SPATA17: variants seen among roughly 807,000 people sequenced by gnomAD.
The protein encoded by SPATA17 is spermatogenesis associated 17, also known as spermatogenesis-associated protein 17.
Under a neutral mutation model 62.2 loss-of-function variants are expected in SPATA17, and 53 were observed. That is an observed-to-expected ratio of 0.85 (90% CI 0.68 to 1.07). SPATA17 has a LOEUF of 1.07. Ranked by LOEUF, SPATA17 falls within the 50% of genes least tolerant of loss-of-function variation. The probability of loss-of-function intolerance (pLI) is 0.00; values close to 1 mark genes in which losing one functional copy is unlikely to be tolerated. For missense variants in SPATA17, 466 were observed against 425.5 expected, an observed-to-expected ratio of 1.10 and a Z score of -0.84; for synonymous variants, 146 against 146.8, an observed-to-expected ratio of 0.99 and a Z score of 0.04.
chr1:217,778,014 C>T (rs1422472009), intron 7 of SPATA17, among the ~76,000 whole-genome samples: 1 of 151,878 alleles, frequency 6.6e-6, no homozygotes, highest in East Asian at 1.9e-4. Context: ...TACTATTTTT[C>T]TATTAGTGTA....
chr1:217,766,204 A>G (rs965125182), intron 6 of SPATA17, among the ~76,000 whole-genome samples: 1 of 152,080 alleles, frequency 6.6e-6, no homozygotes, highest in African/African-American at 2.4e-5. Flanking sequence ...ATTAATATCT[A>G]CCATATTTGA....
At chr1:217,758,479 A>T (rs1673098653) in intron 6 of SPATA17, among the ~76,000 whole-genome samples, 1 of 152,166 alleles carries the variant, frequency 6.6e-6, no homozygotes, top group African/African-American at 2.4e-5. Flanking sequence ...TATGGAGGGG[A>T]AAACAGATAC....
intron 9 of SPATA17, among the ~76,000 whole-genome samples, chr1:217,809,118 A>G (rs529937508): frequency 3.3e-5 from 5 of 152,300 alleles, no homozygotes; most frequent in African/African-American, 1.2e-4. Context: ...AAGAAACATT[A>G]TTTTTTAAGG....
intron 8 of SPATA17, among the ~76,000 whole-genome samples, chr1:217,790,973 T>C (rs1033357871): frequency 1.3e-5 from 2 of 152,234 alleles, no homozygotes; most frequent in Non-Finnish European, 2.9e-5. Context: ...TCAGACACTT[T>C]AGACCTTTAA....
At chr1:217,808,730 C>T (rs917938266) in intron 9 of SPATA17, among the ~76,000 whole-genome samples, 1 of 151,980 alleles carries the variant, frequency 6.6e-6, no homozygotes, top group East Asian at 1.9e-4. Flanking sequence ...TGGTGCACAC[C>T]TGTAGCCCCA....
intron 6 of SPATA17, among the ~76,000 whole-genome samples, chr1:217,769,034 C>T (rs769090837): frequency 2.0e-5 from 3 of 151,900 alleles, no homozygotes; most frequent in Non-Finnish European, 4.4e-5. Flanking sequence ...CAAAGTGGAC[C>T]CTTTCTCAGT....
chr1:217,770,444 A>AT (rs1673410796), intron 6 of SPATA17, among the ~76,000 whole-genome samples: 1 of 152,204 alleles, frequency 6.6e-6, no homozygotes, highest in Non-Finnish European at 1.5e-5. Flanking sequence ...GTTATGGTAA[A>AT]ATATGAAATT....
chr1:217,671,090 T>G (rs1487674632), intron 4 of SPATA17, among the ~76,000 whole-genome samples: 2 of 152,036 alleles, frequency 1.3e-5, no homozygotes, highest in African/African-American at 4.8e-5. Flanking sequence ...TATATGGGGA[T>G]GCCCCACTTT....
chr1:217,822,801 T>C (rs1674899902), intron 9 of SPATA17, among the ~76,000 whole-genome samples: 1 of 151,272 alleles, frequency 6.6e-6, no homozygotes, highest in African/African-American at 2.4e-5. Flanking sequence ...TTTATATATG[T>C]ATATGAAAGT....
At chr1:217,777,174 T>C (rs1197313089) in intron 7 of SPATA17, among the ~76,000 whole-genome samples, 1 of 152,164 alleles carries the variant, frequency 6.6e-6, no homozygotes, top group East Asian at 1.9e-4. Context: ...ATTTGTGATA[T>C]ATGTTGTGTT....
At position 217,782,334 on chromosome 1, in the gene SPATA17, G is replaced by A; in HGVS notation, c.872+12G>A. 1 of 1,578,854 alleles carries A rather than the reference G, an allele frequency of 6.3e-7. No individual in the cohort carries two copies. The highest frequency in any genetic ancestry group is 8.6e-7 in the Non-Finnish European group (1 of 1,165,350). ...GTAAATGACAATATGTGAGTTCTTA[G>A]CTTAACAAAAATAGCTGTGACATAT... On this transcript the variant is annotated intron_variant, in intron 8 of 10. Coordinates refer to ENST00000366933, the MANE Select transcript of SPATA17 (RefSeq NM_138796.4).
intron 8 of SPATA17, among the ~76,000 whole-genome samples, chr1:217,791,223 C>G (rs1373961351): frequency 6.6e-6 from 1 of 152,188 alleles, no homozygotes; most frequent in Admixed American, 6.5e-5. Flanking sequence ...CTGTGCAAAT[C>G]GTATTATACA....
intron 9 of SPATA17, among the ~76,000 whole-genome samples, chr1:217,808,167 C>T (rs1434734019): frequency 6.6e-6 from 1 of 152,134 alleles, no homozygotes; most frequent in African/African-American, 2.4e-5. Context: ...ACAAAGTCTC[C>T]TCCAGGATCT....
chr1:217,845,634 A>G (rs975106903), intron 9 of SPATA17, among the ~76,000 whole-genome samples: 1 of 152,020 alleles, frequency 6.6e-6, no homozygotes, highest in Admixed American at 6.6e-5. Flanking sequence ...TCTTGAAGAG[A>G]TTAAAATTTC....
At chr1:217,773,557 C>G (rs1673508496) in intron 6 of SPATA17, among the ~76,000 whole-genome samples, 1 of 152,058 alleles carries the variant, frequency 6.6e-6, no homozygotes, top group African/African-American at 2.4e-5. Context: ...CAAAAATAGA[C>G]ACGCTAAATT....
chr1:217,648,793 G>A (rs12140261), intron 1 of SPATA17, 89 bp from the exon 2 acceptor site: 100,002 of 660,162 alleles, frequency 0.15, 8,197 homozygotes, highest in Non-Finnish European at 0.17. Flanking sequence ...TATCATCTTG[G>A]AAGAAATTAA....
chr1:217,849,102 T>G (rs1442764108), intron 9 of SPATA17, among the ~76,000 whole-genome samples: 1 of 152,228 alleles, frequency 6.6e-6, no homozygotes, highest in Non-Finnish European at 1.5e-5. Context: ...TTGCATCATC[T>G]CAACTTCATC....
At chr1:217,665,077 T>A (rs1670664209) in intron 3 of SPATA17, among the ~76,000 whole-genome samples, 1 of 152,150 alleles carries the variant, frequency 6.6e-6, no homozygotes, top group Admixed American at 6.5e-5. Flanking sequence ...GGCACTTGAT[T>A]GTGGTGAATT....
chr1:217,829,687 T>C (rs1458521352), intron 9 of SPATA17, among the ~76,000 whole-genome samples: 5 of 112,778 alleles, frequency 4.4e-5, no homozygotes, highest in African/African-American at 1.7e-4. Flanking sequence ...GAAAAAAAGA[T>C]ATATTTTAAA....
Sources: allele counts gnomAD v4.1 joint callset (sites outside exome capture counted in the v4.1 genomes callset), GRCh38; gene constraint gnomAD v4.1.1; transcripts MANE v1.5; gene names NCBI Gene and HGNC (gene_info 2026-07-23, HGNC 2026-07-21).